HIRA: variants seen among roughly 807,000 people sequenced by gnomAD.
HIRA encodes the protein histone cell cycle regulator.
A neutral mutation model predicts 126.6 loss-of-function variants in HIRA; 13 were observed. That is an observed-to-expected ratio of 0.10 (90% CI 0.07 to 0.16). The LOEUF (loss-of-function observed/expected upper bound fraction) is 0.16, where lower values mean the gene tolerates loss of function less well. Ranked by LOEUF, HIRA falls within the 10% of genes least tolerant of loss-of-function variation. HIRA has a pLI of 1.00. For synonymous variants in HIRA, 511 were observed against 520.0 expected (o/e 0.98, Z 0.24); for missense variants, 834 against 1,314.4 (o/e 0.63, Z 5.65).
intron 24 of HIRA, among the ~76,000 whole-genome samples, chr22:19,344,163 A>T (rs1198834661): frequency 1.3e-5 from 2 of 152,204 alleles, no homozygotes; most frequent in African/African-American, 4.8e-5. Context: ...AAGCTAGCAG[A>T]AGAAAATAAT....
rs1207347909 is a variant in HIRA at position 19,355,612 on chromosome 22, CA to C, written c.2561+147del. 3 of 623,574 alleles carry C rather than the reference CA, an allele frequency of 4.8e-6. No individual in the cohort carries two copies. In the African/African-American group the frequency reaches 5.5e-5, roughly 11 times the overall value. The allele number at this position is 623,574 out of a possible 1,614,324, so 38.6% of individuals were successfully genotyped here. A position where few individuals can be genotyped will look rare whatever the true frequency, so the allele number is the denominator to read the frequency against. On this transcript the variant is annotated intron_variant, in intron 21 of 24. Transcript: ENST00000263208. ...TGTCCTGCTGGGACAGGGGAGCATG[CA>C]CAGATAGTCAATGCAGCCTGCACTC... is the stretch of plus-strand genomic sequence containing the variant.
intron 13 of HIRA, among the ~76,000 whole-genome samples, chr22:19,382,430 T>C (rs945059481): frequency 3.9e-5 from 6 of 152,134 alleles, no homozygotes; most frequent in Admixed American, 1.3e-4. Context: ...CCCTACAGGG[T>C]CACAATAGGA....
intron 24 of HIRA, among the ~76,000 whole-genome samples, chr22:19,336,111 G>A (rs1484510118): frequency 6.6e-6 from 1 of 152,184 alleles, no homozygotes; most frequent in Non-Finnish European, 1.5e-5. Flanking sequence ...TGACTCATGA[G>A]AGGGATTTGA....
intron 1 of HIRA, among the ~76,000 whole-genome samples, chr22:19,422,903 G>A (rs1011265709): frequency 2.0e-5 from 3 of 152,142 alleles, no homozygotes; most frequent in Non-Finnish European, 4.4e-5. Context: ...TATCCAGGCT[G>A]TGGACACGGG....
chr22:19,378,219 G>A (rs2089037347), intron 13 of HIRA, among the ~76,000 whole-genome samples, 153 bp from the exon 14 acceptor site: 1 of 152,196 alleles, frequency 6.6e-6, no homozygotes, highest in African/African-American at 2.4e-5. Flanking sequence ...GAAAATTAAA[G>A]CCACTTAATA....
chr22:19,374,503 A>G (rs887073738), intron 15 of HIRA, among the ~76,000 whole-genome samples: 1 of 152,180 alleles, frequency 6.6e-6, no homozygotes, highest in Non-Finnish European at 1.5e-5. Flanking sequence ...AGAGCAGACT[A>G]CAAGATTCCA....
chr22:19,374,201 G>A (rs1260024835), intron 15 of HIRA, among the ~76,000 whole-genome samples: 1 of 152,086 alleles, frequency 6.6e-6, no homozygotes. Context: ...AGGTGTTGTG[G>A]CAGGCGCCAG....
chr22:19,426,600 T>C (rs2089490150), intron 1 of HIRA, among the ~76,000 whole-genome samples: 1 of 152,190 alleles, frequency 6.6e-6, no homozygotes, highest in African/African-American at 2.4e-5. Flanking sequence ...AGAATACGGT[T>C]TGTATGTCAA....
At chr22:19,416,687 T>A (rs2089401769) in intron 1 of HIRA, among the ~76,000 whole-genome samples, 1 of 152,028 alleles carries the variant, frequency 6.6e-6, no homozygotes, top group South Asian at 2.1e-4. Context: ...GCACAGACAA[T>A]AAAAGAAAAA....
chr22:19,396,108 G>A (rs1207487868), intron 7 of HIRA, among the ~76,000 whole-genome samples: 2 of 152,058 alleles, frequency 1.3e-5, no homozygotes, highest in Non-Finnish European at 1.5e-5. Flanking sequence ...GCTGCTCTGC[G>A]GGAGGCTCAG....
At chr22:19,393,138 G>A (rs1052014940) in intron 8 of HIRA, among the ~76,000 whole-genome samples, 5 of 152,090 alleles carry the variant, frequency 3.3e-5, no homozygotes, top group African/African-American at 4.8e-5. Context: ...ATAGGCAGGC[G>A]TCGTGATCTC....
chr22:19,429,027 C>G (rs1467019293), intron 1 of HIRA, among the ~76,000 whole-genome samples: 1 of 152,064 alleles, frequency 6.6e-6, no homozygotes, highest in African/African-American at 2.4e-5. Context: ...GGTAATTTAC[C>G]TCTTGACAGT....
intron 3 of HIRA, among the ~76,000 whole-genome samples, chr22:19,407,825 T>C (rs1036361920): frequency 1.3e-5 from 2 of 152,180 alleles, no homozygotes; most frequent in South Asian, 2.1e-4. Context: ...TCAGCAGAAA[T>C]TCCCCCAGGC....
chr22:19,369,237 G>C (rs2088942315), intron 15 of HIRA, among the ~76,000 whole-genome samples: 1 of 152,128 alleles, frequency 6.6e-6, no homozygotes, highest in Non-Finnish European at 1.5e-5. Flanking sequence ...AAGACCCACA[G>C]TTTCACCCAG....
chr22:19,392,065 C>A (rs758113537), intron 9 of HIRA, 36 bp downstream of exon 9: 3 of 1,284,640 alleles, frequency 2.3e-6, no homozygotes, highest in Non-Finnish European at 3.3e-6. Context: ...CCTACACCTC[C>A]CGTCCTGCAA....
At chr22:19,356,067 GC>G (rs1556012462) in intron 20 of HIRA, among the ~76,000 whole-genome samples, 162 bp downstream of exon 20, 1 of 152,124 alleles carries the variant, frequency 6.6e-6, no homozygotes, top group East Asian at 1.9e-4. Flanking sequence ...ATTCAAACAT[GC>G]CCCCAAAAAG....
chr22:19,405,422 T>A (rs764542119), intron 5 of HIRA: 1 of 890,462 alleles, frequency 1.1e-6, no homozygotes, highest in East Asian at 1.2e-4. Context: ...TCAATGGGCA[T>A]CTGTGAGCTG....
At position 19,353,946 on chromosome 22, in the gene HIRA, T is replaced by C. The variant is rs2088784794; in HGVS notation, c.2684+50A>G. Reference sequence around the variant, plus strand: ...ACTGTGCGTGCACTGACCCAGGCACTTCCCCAGGGCAGGACTAAGGACAGT... The same window carrying C: ...ACTGTGCGTGCACTGACCCAGGCACCTCCCCAGGGCAGGACTAAGGACAGT... On this transcript the variant is annotated intron_variant, in intron 22 of 24. Coordinates refer to ENST00000263208, the MANE Select transcript of HIRA (RefSeq NM_003325.4). 1.9e-6 allele frequency: 3 copies of C among 1,599,786 alleles called. No homozygotes were observed. In the East Asian group the frequency reaches 6.7e-5, roughly 36 times the overall value.
At chr22:19,376,285 C>T (rs2089018357) in intron 14 of HIRA, among the ~76,000 whole-genome samples, 1 of 152,170 alleles carries the variant, frequency 6.6e-6, no homozygotes, top group African/African-American at 2.4e-5. Context: ...GTGACAGTGT[C>T]ACATTCTTAG....
Sources: allele counts gnomAD v4.1 joint callset (sites outside exome capture counted in the v4.1 genomes callset), GRCh38; gene constraint gnomAD v4.1.1; transcripts MANE v1.5; gene names NCBI Gene and HGNC (gene_info 2026-07-23, HGNC 2026-07-21).